Variants in CNTN1 observed in about 807,000 individuals in gnomAD.
The protein encoded by CNTN1 is contactin 1, also known as contactin-1.
A neutral mutation model predicts 126.4 loss-of-function variants in CNTN1; 38 were observed. The observed-to-expected ratio is 0.30, with a 90% CI of 0.23 to 0.39. CNTN1 has a LOEUF of 0.39. Ranked by LOEUF, CNTN1 falls within the 10% of genes least tolerant of loss-of-function variation. The probability of loss-of-function intolerance (pLI) is 1.00; values close to 1 mark genes in which losing one functional copy is unlikely to be tolerated. For synonymous variants in CNTN1, 413 were observed against 422.6 expected (o/e 0.98, Z 0.28); for missense variants, 1,009 against 1,248.4 (o/e 0.81, Z 2.89).
chr12:41,014,353 C>A lies in CNTN1; in HGVS notation c.2184+55C>A, dbSNP rs1221672366. ...GGTTGCTGTATCTATATTTAACTTC[C>A]ACCCCATTTTGTTTCCTGAAATAAA... is the stretch of plus-strand genomic sequence containing the variant. On this transcript the variant is annotated intron_variant, in intron 18 of 23. Coordinates refer to ENST00000551295, the MANE Select transcript of CNTN1 (RefSeq NM_001843.4). 2.0e-5 allele frequency: 31 copies of A among 1,557,232 alleles called. No individual in the cohort carries two copies. The East Asian group carries it at 7.0e-4, about 35-fold the overall frequency.
intron 1 of CNTN1, among the ~76,000 whole-genome samples, chr12:40,713,411 A>G (rs531597661): frequency 6.6e-6 from 1 of 151,188 alleles, no homozygotes; most frequent in African/African-American, 2.4e-5. Context: ...GCATTTTATC[A>G]TGGTTGTTAT....
rs543010056 is a variant in CNTN1, at chr12:40,810,874, A to G, written c.-76-97483A>G. Among the ~76,000 whole-genome samples the G allele has an allele frequency of 2.6e-5, 4 of 152,192 alleles. No individual in the cohort carries two copies. In the South Asian group the frequency reaches 8.3e-4, roughly 31 times the overall value. The stretch of plus-strand genomic sequence containing the variant: ...CTACCAAATATAAATAAATAAATAA[A>G]GTAGCTAGGCATGGTGGTACATGAC... On this transcript the variant is annotated intron_variant, in intron 1 of 23. Coordinates refer to ENST00000551295, the MANE Select transcript of CNTN1 (RefSeq NM_001843.4).
At chr12:40,773,985 C>G (rs1231656339) in intron 1 of CNTN1, among the ~76,000 whole-genome samples, 1 of 151,254 alleles carries the variant, frequency 6.6e-6, no homozygotes, top group African/African-American at 2.4e-5. Flanking sequence ...AATTTAAGCT[C>G]AACGACGGAA....
chr12:40,897,059 T>A (rs7300776), intron 1 of CNTN1, among the ~76,000 whole-genome samples: 82,699 of 152,068 alleles, frequency 0.54, 23,127 homozygotes, highest in African/African-American at 0.67. Flanking sequence ...CTAAGCTAAA[T>A]GTTTTTATCT....
chr12:41,057,117 A>ATATTTAGATATTTATAAATATTT (rs1566235925), intron 23 of CNTN1, among the ~76,000 whole-genome samples: 6 of 134,512 alleles, frequency 4.5e-5, no homozygotes, highest in African/African-American at 1.4e-4. Context: ...TATAAATATT[A>ATATTTAGATATTTATAAATATTT]TATTTAGATA....
intron 21 of CNTN1, among the ~76,000 whole-genome samples, chr12:41,025,919 G>T (rs1445532620): frequency 1.3e-5 from 2 of 152,128 alleles, no homozygotes; most frequent in Admixed American, 6.6e-5. Context: ...GTAAAAAGGA[G>T]AATTTTTATG....
At chr12:40,891,076 T>C (rs942315173) in intron 1 of CNTN1, among the ~76,000 whole-genome samples, 1 of 152,146 alleles carries the variant, frequency 6.6e-6, no homozygotes, top group African/African-American at 2.4e-5. Context: ...TATGTAGTGA[T>C]ATCTTTTTAT....
intron 9 of CNTN1, among the ~76,000 whole-genome samples, chr12:40,935,194 A>C (rs948947636): frequency 6.6e-6 from 1 of 152,038 alleles, no homozygotes; most frequent in Non-Finnish European, 1.5e-5. Flanking sequence ...AATGCAATAC[A>C]TATCAAGTCT....
At chr12:40,995,667 A>G (rs1272987757) in intron 17 of CNTN1, among the ~76,000 whole-genome samples, 1 of 152,180 alleles carries the variant, frequency 6.6e-6, no homozygotes, top group African/African-American at 2.4e-5. Context: ...ATTAGAGCCA[A>G]GGCCAAAAGC....
intron 1 of CNTN1, among the ~76,000 whole-genome samples, chr12:40,819,874 C>A (rs201707641): frequency 1.3e-5 from 2 of 152,260 alleles, no homozygotes; most frequent in East Asian, 3.9e-4. Flanking sequence ...AGCTGGGTAT[C>A]GTGCTCACTC....
chr12:41,027,818 A>G, intron 21 of CNTN1, 39 bp from the exon 22 acceptor site: 1 of 1,201,310 alleles, frequency 8.3e-7, no homozygotes, highest in Non-Finnish European at 1.2e-6. Flanking sequence ...TTGAGATTGG[A>G]TATAGTGACC....
Position 41,071,729 on chromosome 12 carries a change from G to A in CNTN1, c.*1694G>A, listed in dbSNP as rs1950163103. The stretch of plus-strand genomic sequence containing the variant: ...AGTGGAAGTATGTCAACAGTCTTAA[G>A]ATCATTGCCAGATTTCATAAAATAT... On this transcript the variant is annotated 3_prime_UTR_variant, in exon 24 of 24. Transcript: ENST00000551295. 1 of 152,118 alleles carries A rather than the reference G, an allele frequency of 6.6e-6. No individual in the cohort carries two copies. The highest frequency in any genetic ancestry group is 2.4e-5 in the African/African-American group (1 of 41,428). The allele number at this position is 152,118 out of a possible 1,614,324, so 9.4% of individuals were successfully genotyped here.
rs139293896 is a variant in CNTN1 at position 40,980,245 on chromosome 12, C to A, written c.1805-664C>A. ...CCCAGAACTTGGAGACCAGCCTGGA[C>A]AACACGGTGAAACCCAGTCTCTGCA... is the stretch of plus-strand genomic sequence containing the variant. On this transcript the variant is annotated intron_variant, in intron 15 of 23. Transcript: ENST00000551295. Among the ~76,000 whole-genome samples the A allele has an allele frequency of 2.8e-3, 427 of 152,148 alleles. 1 individual carries two copies. Among genetic ancestry groups the A allele is most frequent in the African/African-American group, 9.8e-3 (407 of 41,526 alleles).
chr12:41,037,279 T>C (rs1282917174), intron 23 of CNTN1, among the ~76,000 whole-genome samples: 2 of 152,172 alleles, frequency 1.3e-5, no homozygotes, highest in African/African-American at 2.4e-5. Flanking sequence ...TATAAGGTCA[T>C]GCATCACATA....
Position 40,933,713 on chromosome 12 carries a change from C to T in CNTN1, c.820C>T (p.Arg274Ter), listed in dbSNP as rs1348891874. The change falls in exon 9 of 24, where the codon CGA becomes TGA. Residue 274 changes from arginine (R) to a stop codon, truncating the protein, a stop_gained. Transcript: ENST00000551295. LOFTEE classifies it high-confidence loss of function. Reference protein sequence around the residue: ...FALGNPVPDIRWRKVLEPMPS... With the variant: ...FALGNPVPDI ...TATTTAAAGTCCTGTTCCGGATATC[C>T]GATGGCGGAAGGTTCTAGAACCAAT... The T allele has an allele frequency of 5.6e-6, 9 of 1,612,666 alleles. No homozygotes were observed. Among genetic ancestry groups the T allele is most frequent in the Middle Eastern group, 1.7e-4 (1 of 6,052 alleles).
chr12:40,780,842 G>C (rs1412403759), intron 1 of CNTN1, among the ~76,000 whole-genome samples: 2 of 151,064 alleles, frequency 1.3e-5, no homozygotes, highest in East Asian at 3.9e-4. Context: ...AAGGTATGAT[G>C]TGGCTCCTGG....
intron 1 of CNTN1, among the ~76,000 whole-genome samples, chr12:40,868,588 C>T (rs1412064970): frequency 6.6e-6 from 1 of 152,136 alleles, no homozygotes; most frequent in African/African-American, 2.4e-5. Flanking sequence ...CTGCTCTCTG[C>T]GTTAGCCTCC....
At chr12:41,006,977 G>C (rs545662271) in intron 17 of CNTN1, among the ~76,000 whole-genome samples, 9 of 149,940 alleles carry the variant, frequency 6.0e-5, no homozygotes, top group African/African-American at 2.0e-4. Context: ...GTTTGAAGGA[G>C]AGAGAAAAAC....
chr12:40,811,895 T>A (rs1382933065), intron 1 of CNTN1, among the ~76,000 whole-genome samples: 1 of 152,024 alleles, frequency 6.6e-6, no homozygotes, highest in Non-Finnish European at 1.5e-5. Context: ...TTCACTTATT[T>A]CTGCTCTGAT....
Sources: allele counts gnomAD v4.1 joint callset (sites outside exome capture counted in the v4.1 genomes callset), GRCh38; gene constraint gnomAD v4.1.1; transcripts MANE v1.5; gene names NCBI Gene and HGNC (gene_info 2026-07-23, HGNC 2026-07-21).